The following ICE1 variants were observed in gnomAD, a reference collection of about 807,000 sequenced individuals.
ICE1 encodes the protein little elongation complex subunit 1.
ICE1 carries 64 observed loss-of-function variants against 192.7 expected under a neutral mutation model. The observed-to-expected ratio is 0.33, with a 90% CI of 0.27 to 0.41. The LOEUF is 0.41. Ranked by LOEUF, ICE1 falls within the 10% of genes least tolerant of loss-of-function variation. The pLI is 1.00. For missense variants in ICE1, 2,708 were observed against 2,696.0 expected (o/e 1.00, Z -0.10); for synonymous variants, 1,010 against 984.5 (o/e 1.03, Z -0.49).
At chr5:5,485,226 TTTAG>T (rs1203429961) in intron 17 of ICE1, among the ~76,000 whole-genome samples, 5 of 152,222 alleles carry the variant, frequency 3.3e-5, no homozygotes, top group Non-Finnish European at 5.9e-5. Context: ...AAATTGTTTA[TTTAG>T]TTATTCATTT....
At chr5:5,474,382 C>T (rs1464710460) in intron 16 of ICE1, among the ~76,000 whole-genome samples, 1 of 152,058 alleles carries the variant, frequency 6.6e-6, no homozygotes, top group Admixed American at 6.5e-5. Flanking sequence ...TGTGGCGTAT[C>T]CCTAGCATGC....
Position 5,441,177 on chromosome 5 carries a change from G to C in ICE1, c.263G>C (p.Cys88Ser). 3 of 1,565,124 alleles carry C rather than the reference G, an allele frequency of 1.9e-6. No homozygotes were observed. The highest frequency in any genetic ancestry group is 2.6e-6 in the Non-Finnish European group (3 of 1,153,586). The change falls in exon 5 of 19, where the codon TGT becomes TCT. Residue 88 changes from cysteine (C) to serine (S), a missense_variant. By Grantham distance (112) the Cys-to-Ser change is moderately radical. Coordinates refer to ENST00000296564, the MANE Select transcript of ICE1 (RefSeq NM_015325.3). ...CAAAAAATTTCTCCTCTACAGAAAT[G>C]TCAGGAAGAACTGGGATCTTTAAAA... ...MLQKISPLQK[C>S]QEELGSLKAE...
intron 10 of ICE1, among the ~76,000 whole-genome samples, chr5:5,448,397 T>C (rs990220949): frequency 5.3e-5 from 8 of 150,862 alleles, no homozygotes; most frequent in African/African-American, 9.7e-5. Context: ...GTCATACAAA[T>C]GTGGACACAC....
In ICE1 at chr5:5,489,360, C is replaced by T. The variant is rs772635410; in HGVS notation, c.*30C>T. On this transcript the variant is annotated 3_prime_UTR_variant, in exon 19 of 19. Transcript: ENST00000296564. ...GGATGCCACTGAGGCTTGAGAAGTG[C>T]CTTGACACATTTTGAACACAAATAG... 1 of 1,546,278 alleles carries T rather than the reference C, an allele frequency of 6.5e-7. No homozygotes were observed. Among genetic ancestry groups the T allele is most frequent in the Non-Finnish European group, 8.7e-7 (1 of 1,146,990 alleles).
chr5:5,441,101 A>G lies in ICE1; in HGVS notation c.198-11A>G. The G allele has an allele frequency of 1.4e-6, 2 of 1,444,972 alleles. No individual in the cohort carries two copies. Among genetic ancestry groups the G allele is most frequent in the South Asian group, 1.2e-5 (1 of 81,196 alleles). The allele number at this position is 1,444,972 out of a possible 1,614,324, so 89.5% of individuals were successfully genotyped here. A position where few individuals can be genotyped will look rare whatever the true frequency, so the allele number is the denominator to read the frequency against. On this transcript the variant is annotated splice_polypyrimidine_tract_variant and intron_variant, in intron 4 of 18. Transcript: ENST00000296564. ...TCCTTTTCTGTAATAATGTTAATTC[A>G]TTGTCTTTAGAGAGAATAGTAATCT... is the stretch of plus-strand genomic sequence containing the variant.
At chr5:5,428,856 G>C (rs748173088) in intron 1 of ICE1, among the ~76,000 whole-genome samples, 1 of 152,228 alleles carries the variant, frequency 6.6e-6, no homozygotes, top group South Asian at 2.1e-4. Flanking sequence ...AGTTTAAACA[G>C]CAGAGCCTTG....
chr5:5,428,271 G>A (rs898620927), intron 1 of ICE1, among the ~76,000 whole-genome samples: 7 of 152,030 alleles, frequency 4.6e-5, no homozygotes, highest in Admixed American at 4.6e-4. Context: ...TCCACGCTGT[G>A]CCAGAGGTTT....
intron 17 of ICE1, among the ~76,000 whole-genome samples, chr5:5,480,098 C>A (rs1739453628): frequency 6.6e-6 from 1 of 152,224 alleles, no homozygotes; most frequent in East Asian, 1.9e-4. Context: ...AAAAAGAAAG[C>A]TCTCTTAGTT....
At chr5:5,443,359 C>T (rs1425077961) in intron 6 of ICE1, 115 bp downstream of exon 6, 2 of 580,912 alleles carry the variant, frequency 3.4e-6, no homozygotes. Flanking sequence ...CCATAATTAG[C>T]TGCATGGTCT....
In ICE1 at chr5:5,486,735, T is replaced by C; in HGVS notation, c.6535T>C (p.Leu2179=). Reference sequence around the variant, plus strand: ...GTTTCCCCTAGGTCGTTTAGGCCAATTGGGTTTGAAAGAAGGATTTCCATC... The same window carrying C: ...GTTTCCCCTAGGTCGTTTAGGCCAACTGGGTTTGAAAGAAGGATTTCCATC... The part of the protein sequence containing the change: ...ILRLIGRLGQ[L]GLKEGFPSAV... The change falls in exon 18 of 19, where the codon TTG becomes CTG. Residue 2179 remains leucine, a synonymous_variant. Coordinates refer to ENST00000296564, the MANE Select transcript of ICE1 (RefSeq NM_015325.3). The C allele has an allele frequency of 1.3e-6, 2 of 1,598,464 alleles. No individual in the cohort carries two copies. The highest frequency in any genetic ancestry group is 1.1e-5 in the South Asian group (1 of 88,212).
At chr5:5,437,958 C>T (rs1445002710) in intron 3 of ICE1, 2 of 152,166 alleles carry the variant, frequency 1.3e-5, no homozygotes, top group Admixed American at 6.5e-5. Flanking sequence ...TACATGTCAT[C>T]ATCAGTTATT....
chr5:5,447,512 A>G lies in ICE1; in HGVS notation c.507+3A>G. On this transcript the variant is annotated splice_donor_region_variant and intron_variant, in intron 8 of 18. Transcript: ENST00000296564. ...AAAAGGAATTTAAGAAGACACAGGT[A>G]CTAGATAAAAGCAGCATACACACAC... is the stretch of plus-strand genomic sequence containing the variant. The G allele has an allele frequency of 6.5e-7, 1 of 1,547,020 alleles. No individual in the cohort carries two copies.
At position 5,447,753 on chromosome 5, in the gene ICE1, T is replaced by C; in HGVS notation, c.540T>C (p.Asn180=). 1 of 1,584,814 alleles carries C rather than the reference T, an allele frequency of 6.3e-7. No homozygotes were observed. ...ERLDEFSKQK[N]EKELRHIGTQ... Reference sequence around the variant, plus strand: ...TTGACGAATTTTCTAAACAGAAAAATGAAAAGGGTGAGTATTCAGTTAATG... The same window carrying C: ...TTGACGAATTTTCTAAACAGAAAAACGAAAAGGGTGAGTATTCAGTTAATG... Residue 180 remains asparagine (N), a synonymous_variant, in exon 9 of 19, where the codon AAT becomes AAC. Coordinates refer to ENST00000296564, the MANE Select transcript of ICE1 (RefSeq NM_015325.3).
chr5:5,436,344 TAAA>T lies in ICE1; in HGVS notation c.85-73_85-71del, dbSNP rs570947120. 3.1e-4 allele frequency: 273 copies of T among 880,294 alleles called. No individual in the cohort carries two copies. In the African/African-American group the frequency reaches 4.2e-3, roughly 13 times the overall value. The allele number at this position is 880,294 out of a possible 1,614,324, so 54.5% of individuals were successfully genotyped here. ...TAATTATTAAAATTCTTAGATATGATAAATAATGTTACAGACAATAATTATATT... is the reference window on the plus strand; with the variant it reads ...TAATTATTAAAATTCTTAGATATGATTAATGTTACAGACAATAATTATATT... On this transcript the variant is annotated intron_variant, in intron 1 of 18. Transcript: ENST00000296564.
At chr5:5,427,095 T>G (rs1737544629) in intron 1 of ICE1, among the ~76,000 whole-genome samples, 1 of 152,238 alleles carries the variant, frequency 6.6e-6, no homozygotes, top group African/African-American at 2.4e-5. Flanking sequence ...CCTGTCCTTT[T>G]TTTCTTTAGT....
intron 7 of ICE1, among the ~76,000 whole-genome samples, chr5:5,446,661 C>T (rs1274300219): frequency 6.6e-6 from 1 of 152,086 alleles, no homozygotes; most frequent in Admixed American, 6.5e-5. Flanking sequence ...AAGCAAAATG[C>T]CGCCTTTATT....
In ICE1 at chr5:5,468,886, T is replaced by C. The variant is rs1202533524; in HGVS notation, c.6120T>C (p.Phe2040=). ...LFIANMWHDI[F]LSQSVINKAM... is the part of the protein sequence containing the mutation. ...TTGCAAACATGTGGCATGATATATTTCTCTCTCAATCGGTGATTAATAAAG... is the reference window on the plus strand; with the variant it reads ...TTGCAAACATGTGGCATGATATATTCCTCTCTCAATCGGTGATTAATAAAG... The change falls in exon 15 of 19, where the codon TTT becomes TTC. Residue 2040 remains phenylalanine (F), a synonymous_variant. Coordinates refer to ENST00000296564, the MANE Select transcript of ICE1 (RefSeq NM_015325.3). The C allele has an allele frequency of 1.2e-6, 2 of 1,605,176 alleles. No individual in the cohort carries two copies. The highest frequency in any genetic ancestry group is 2.7e-5 in the African/African-American group (2 of 74,586).
chr5:5,466,749 G>T (rs923791231), intron 14 of ICE1, among the ~76,000 whole-genome samples: 3 of 152,120 alleles, frequency 2.0e-5, no homozygotes, highest in Non-Finnish European at 4.4e-5. Flanking sequence ...TCTATGCTCT[G>T]TGCAGCTGCT....
intron 1 of ICE1, among the ~76,000 whole-genome samples, chr5:5,430,802 T>C (rs1057499299): frequency 1.3e-5 from 2 of 152,236 alleles, no homozygotes; most frequent in Admixed American, 6.5e-5. Flanking sequence ...AGGACTGTTA[T>C]TTGAAGCTAA....
Sources: allele counts gnomAD v4.1 joint callset (sites outside exome capture counted in the v4.1 genomes callset), GRCh38; gene constraint gnomAD v4.1.1; transcripts MANE v1.5; gene names NCBI Gene and HGNC (gene_info 2026-07-23, HGNC 2026-07-21).